The following GPHN variants were observed in gnomAD, a reference collection of about 807,000 sequenced individuals.
GPHN encodes gephyrin.
In GPHN, 17 loss-of-function variants were observed where a neutral mutation model predicts 95.5. That is an observed-to-expected ratio of 0.18 (90% CI 0.12 to 0.27). The LOEUF (loss-of-function observed/expected upper bound fraction) is 0.27. Ranked by LOEUF, GPHN falls within the 10% of genes least tolerant of loss-of-function variation. The probability of loss-of-function intolerance (pLI) is 1.00; values close to 1 mark genes in which losing one functional copy is unlikely to be tolerated. For synonymous variants in GPHN, 320 were observed against 322.5 expected (o/e 0.99, Z 0.08); for missense variants, 660 against 978.1 (o/e 0.67, Z 4.34).
chr14:67,692,358 A>T, the GPHN span: 1 of 1,487,006 alleles, frequency 6.7e-7, no homozygotes, highest in South Asian at 1.2e-5. Context: ...TCTATGAGGA[A>T]GAGGGACCTT....
chr14:67,696,042 C>T, the GPHN span, among the ~76,000 whole-genome samples: 2 of 152,112 alleles, frequency 1.3e-5, no homozygotes, highest in South Asian at 4.1e-4. Context: ...GAAAACACTG[C>T]TTTTTATCTT....
the GPHN span, chr14:67,359,920 G>C: frequency 5.3e-6 from 3 of 567,756 alleles, no homozygotes; most frequent in Non-Finnish European, 9.3e-6. Context: ...CCCGGATGTC[G>C]AGGCGCGCGC....
chr14:67,364,813 G>T, the GPHN span: 1 of 1,613,856 alleles, frequency 6.2e-7, no homozygotes, highest in Non-Finnish European at 8.5e-7. Context: ...ATTTCCTGAG[G>T]TGGAAGATGT....
At chr14:67,458,189 A>G in the GPHN span, among the ~76,000 whole-genome samples, 1 of 152,294 alleles carries the variant, frequency 6.6e-6, no homozygotes, top group African/African-American at 2.4e-5. Context: ...TGGGGGACCC[A>G]TTAGAGTGCG....
the GPHN span, among the ~76,000 whole-genome samples, chr14:67,196,073 C>T: frequency 6.6e-6 from 1 of 152,060 alleles, no homozygotes; most frequent in African/African-American, 2.4e-5. Flanking sequence ...GGAATTTTCC[C>T]ACACAATATC....
chr14:66,771,274 T>A (rs2059159368), intron 2 of GPHN, among the ~76,000 whole-genome samples: 1 of 152,202 alleles, frequency 6.6e-6, no homozygotes, highest in African/African-American at 2.4e-5. Context: ...ACCTCTTTCA[T>A]TTCCCTCCTT....
intron 8 of GPHN, among the ~76,000 whole-genome samples, chr14:66,950,433 C>A (rs1033684346): frequency 5.9e-5 from 9 of 152,138 alleles, no homozygotes; most frequent in East Asian, 5.8e-4. Flanking sequence ...TTCTCCTCTT[C>A]TTATTATATT....
the GPHN span, chr14:67,198,260 G>A: frequency 1.9e-6 from 3 of 1,613,852 alleles, no homozygotes; most frequent in South Asian, 2.2e-5. Context: ...AAAATATGTT[G>A]GATGGAGGAG....
intron 9 of GPHN, among the ~76,000 whole-genome samples, chr14:66,993,522 G>A (rs577989180): frequency 6.6e-6 from 1 of 152,016 alleles, no homozygotes; most frequent in South Asian, 2.1e-4. Flanking sequence ...TTTGATTTTT[G>A]CTAAATGCCC....
At chr14:66,737,877 AC>A (rs1204680347) in intron 2 of GPHN, among the ~76,000 whole-genome samples, 2 of 152,254 alleles carry the variant, frequency 1.3e-5, no homozygotes, top group Non-Finnish European at 2.9e-5. Context: ...CTGCTATAGT[AC>A]AAAAAAAAGC....
intron 1 of GPHN, among the ~76,000 whole-genome samples, chr14:66,514,547 AAG>A (rs2058165844): frequency 6.6e-6 from 1 of 152,102 alleles, no homozygotes; most frequent in African/African-American, 2.4e-5. Context: ...ACCAGCAGGA[AAG>A]AGAAATATAG....
the GPHN span, among the ~76,000 whole-genome samples, chr14:67,363,759 T>C: frequency 7.9e-5 from 12 of 152,204 alleles, no homozygotes; most frequent in Non-Finnish European, 1.6e-4. Context: ...TGAGAAGATA[T>C]AGGCAGGTGC....
chr14:66,608,915 T>G lies in GPHN; in HGVS notation c.65-72192T>G, dbSNP rs75215020. Among the ~76,000 whole-genome samples the G allele has an allele frequency of 3.6e-3, 551 of 152,272 alleles. 10 individuals are homozygous for G. The highest frequency in any genetic ancestry group is 0.013 in the African/African-American group (525 of 41,572). The stretch of plus-strand genomic sequence containing the variant: ...GCATCTTCTTGAAGACAGCAGACAG[T>G]TGGATCTTGTCTTTTTGTCCAGCTT... On this transcript the variant is annotated intron_variant, in intron 1 of 22. Transcript: ENST00000478722.
At chr14:67,262,831 C>T in the GPHN span, among the ~76,000 whole-genome samples, 2 of 152,142 alleles carry the variant, frequency 1.3e-5, no homozygotes, top group African/African-American at 4.8e-5. Context: ...CCAACTAGGC[C>T]ATATATATTC....
chr14:67,391,569 C>G, the GPHN span, among the ~76,000 whole-genome samples: 1 of 152,216 alleles, frequency 6.6e-6, no homozygotes, highest in African/African-American at 2.4e-5. Flanking sequence ...GCACATGCTC[C>G]GAGTAACGAT....
At chr14:67,028,918 T>G (rs1394831122) in intron 10 of GPHN, among the ~76,000 whole-genome samples, 1 of 152,238 alleles carries the variant, frequency 6.6e-6, no homozygotes, top group Non-Finnish European at 1.5e-5. Context: ...TTTTGAAGTC[T>G]TAGCCAAAAA....
the GPHN span, chr14:67,201,495 C>A: frequency 2.2e-6 from 1 of 456,032 alleles, no homozygotes; most frequent in African/African-American, 2.0e-5. Flanking sequence ...AGAAGATATT[C>A]ATCTCATCCT....
At chr14:66,935,504 TTTA>T (rs998736909) in intron 8 of GPHN, among the ~76,000 whole-genome samples, 4 of 143,976 alleles carry the variant, frequency 2.8e-5, no homozygotes, top group African/African-American at 9.9e-5. Flanking sequence ...TGTGTGTGTT[TTTA>T]TATATATATA....
intron 1 of GPHN, among the ~76,000 whole-genome samples, chr14:66,515,846 A>G (rs1239436400): frequency 2.0e-5 from 3 of 152,352 alleles, no homozygotes; most frequent in East Asian, 1.9e-4. Context: ...CTTGAAGCAT[A>G]TATTCTAGCA....
Sources: gnomAD v4.1 joint callset for allele counts (sites outside exome capture counted in the v4.1 genomes callset) on GRCh38, gnomAD v4.1.1 for gene constraint, MANE v1.5 for transcripts, NCBI Gene and HGNC (gene_info 2026-07-23, HGNC 2026-07-21) for gene names.